Variants in DPP10 observed in about 807,000 individuals in gnomAD.
The protein encoded by DPP10 is dipeptidyl peptidase like 10.
In DPP10, 33 loss-of-function variants were observed where a neutral mutation model predicts 120.9. The ratio of observed to expected loss-of-function variants is 0.27; its 90% CI spans 0.21 to 0.37. The LOEUF (loss-of-function observed/expected upper bound fraction) is 0.37. DPP10 is among the 10% of genes least tolerant of loss of function. DPP10 has a pLI of 1.00. For synonymous variants in DPP10, 337 were observed against 326.1 expected, an observed-to-expected ratio of 1.03 and a Z score of -0.36; for missense variants, 816 against 942.8, an observed-to-expected ratio of 0.87 and a Z score of 1.76.
chr2:115,043,252 T>A lies in DPP10; in HGVS notation c.61-265987T>A, dbSNP rs186222145. On this transcript the variant is annotated intron_variant, in intron 1 of 25. Coordinates refer to ENST00000410059, the MANE Select transcript of DPP10 (RefSeq NM_020868.6). ...AATGTGGCATGACTGATATAGCCAA[T>A]CTTGAATATTAGAAATGATGCATCA... is the stretch of plus-strand genomic sequence containing the variant. Among the ~76,000 whole-genome samples, 49 of 152,328 alleles carry A rather than the reference T, an allele frequency of 3.2e-4. 1 individual carries two copies. The South Asian group carries it at 8.7e-3, about 27-fold the overall frequency.
chr2:115,133,166 TATA>T (rs2050463148), intron 1 of DPP10, among the ~76,000 whole-genome samples: 1 of 130,122 alleles, frequency 7.7e-6, no homozygotes, highest in Non-Finnish European at 1.6e-5. Flanking sequence ...TATATATATA[TATA>T]TATATATAGT....
rs148540833 is a variant in DPP10 at position 115,755,570 on chromosome 2, A to G, written c.1074+2273A>G. ...CCAAAGCTATAAAACTACTAGAAGA[A>G]AACAGAGAAAATGCTTAAGGACATT... On this transcript the variant is annotated intron_variant, in intron 11 of 25. Coordinates refer to ENST00000410059, the MANE Select transcript of DPP10 (RefSeq NM_020868.6). Among the ~76,000 whole-genome samples the G allele has an allele frequency of 1.3e-4, 20 of 152,256 alleles. No individual in the cohort carries two copies. In the East Asian group the frequency reaches 3.1e-3, roughly 24 times the overall value.
intron 1 of DPP10, chr2:114,461,989 A>G (rs1678954872): frequency 1.0e-6 from 1 of 985,296 alleles, no homozygotes. Flanking sequence ...TCCCTGCTGA[A>G]TCGAAAGGAA....
chr2:115,152,209 C>G (rs2051603824), intron 1 of DPP10, among the ~76,000 whole-genome samples: 1 of 152,132 alleles, frequency 6.6e-6, no homozygotes, highest in Non-Finnish European at 1.5e-5. Context: ...TATGGCCTGT[C>G]ACAAATACTT....
chr2:114,551,651 G>T (rs1687895312), intron 1 of DPP10, among the ~76,000 whole-genome samples: 1 of 152,148 alleles, frequency 6.6e-6, no homozygotes, highest in African/African-American at 2.4e-5. Flanking sequence ...TTTAGAAGAT[G>T]CTACTACATC....
chr2:115,293,579 G>A (rs1397757887), intron 1 of DPP10, among the ~76,000 whole-genome samples: 3 of 152,068 alleles, frequency 2.0e-5, no homozygotes, highest in African/African-American at 7.2e-5. Context: ...TGGTGTAGGT[G>A]AGCTTCTGGA....
At chr2:115,126,678 TCTC>T (rs2050100029) in intron 1 of DPP10, among the ~76,000 whole-genome samples, 1 of 152,150 alleles carries the variant, frequency 6.6e-6, no homozygotes, top group Non-Finnish European at 1.5e-5. Flanking sequence ...TCCGATGCTC[TCTC>T]TCTTGTTTCT....
At chr2:114,738,325 C>G (rs777389621) in intron 1 of DPP10, among the ~76,000 whole-genome samples, 7 of 152,302 alleles carry the variant, frequency 4.6e-5, no homozygotes, top group African/African-American at 1.7e-4. Context: ...AGGCCTTTCT[C>G]GGGCATGAGC....
intron 1 of DPP10, among the ~76,000 whole-genome samples, chr2:114,584,499 C>CTCG (rs903540177): frequency 6.6e-6 from 1 of 150,668 alleles, no homozygotes; most frequent in African/African-American, 2.4e-5. Flanking sequence ...CACCCATTAA[C>CTCG]TCGTCATTTA....
chr2:114,532,296 T>TATATATATACAC (rs1342125338), intron 1 of DPP10, among the ~76,000 whole-genome samples: 88 of 74,662 alleles, frequency 1.2e-3, no homozygotes, highest in Non-Finnish European at 1.6e-3. Flanking sequence ...TATATATATA[T>TATATATATACAC]ACACACACAC....
chr2:114,868,388 A>G (rs1267696560), intron 1 of DPP10, among the ~76,000 whole-genome samples: 1 of 152,200 alleles, frequency 6.6e-6, no homozygotes. Flanking sequence ...GGACTATTGT[A>G]TCTTAAAGTG....
chr2:114,969,845 GA>G (rs1305062152), intron 1 of DPP10, among the ~76,000 whole-genome samples: 2 of 152,122 alleles, frequency 1.3e-5, no homozygotes, highest in Non-Finnish European at 2.9e-5. Context: ...CAATAGAGAA[GA>G]AAGCCCCCCA....
chr2:115,151,446 C>G (rs1482242030), intron 1 of DPP10, among the ~76,000 whole-genome samples: 3 of 148,412 alleles, frequency 2.0e-5, no homozygotes, highest in Non-Finnish European at 3.0e-5. Flanking sequence ...GAGTCTTGCA[C>G]TGTCACCCGG....
intron 1 of DPP10, among the ~76,000 whole-genome samples, chr2:115,017,752 G>C (rs985235066): frequency 1.3e-5 from 2 of 151,562 alleles, no homozygotes; most frequent in African/African-American, 4.9e-5. Flanking sequence ...ACTATCGCAA[G>C]GACAAAAAGC....
chr2:114,758,838 A>C (rs1178520307), intron 1 of DPP10, among the ~76,000 whole-genome samples: 1 of 152,214 alleles, frequency 6.6e-6, no homozygotes. Context: ...AGGGTCAGAA[A>C]ATAAGGTTTC....
chr2:115,487,171 G>A (rs1342195962), intron 3 of DPP10, among the ~76,000 whole-genome samples: 1 of 148,658 alleles, frequency 6.7e-6, no homozygotes, highest in East Asian at 2.0e-4. Flanking sequence ...CAACTTACAA[G>A]GGATGTGAAG....
chr2:114,819,416 T>C (rs527749287), intron 1 of DPP10, among the ~76,000 whole-genome samples: 46 of 152,166 alleles, frequency 3.0e-4, no homozygotes, highest in Non-Finnish European at 6.2e-4. Context: ...CCTAAAGCCC[T>C]CTAAAGTGCT....
chr2:114,971,575 G>T (rs761189943), intron 1 of DPP10, among the ~76,000 whole-genome samples: 3 of 152,098 alleles, frequency 2.0e-5, no homozygotes, highest in South Asian at 2.1e-4. Context: ...CATTAAGTTT[G>T]CTGTGACATA....
chr2:115,784,193 T>C (rs896315881), intron 17 of DPP10, among the ~76,000 whole-genome samples: 6 of 152,182 alleles, frequency 3.9e-5, no homozygotes, highest in Non-Finnish European at 8.8e-5. Context: ...CTTAATTTTC[T>C]TTTCAAAAGA....
Sources: gnomAD v4.1 joint callset for allele counts (sites outside exome capture counted in the v4.1 genomes callset) on GRCh38, gnomAD v4.1.1 for gene constraint, MANE v1.5 for transcripts, NCBI Gene and HGNC (gene_info 2026-07-23, HGNC 2026-07-21) for gene names.